The following SNX14 variants were observed in gnomAD, a reference collection of about 807,000 sequenced individuals.
SNX14 encodes the protein sorting nexin 14, also known as sorting nexin-14.
A neutral mutation model predicts 133.8 loss-of-function variants in SNX14; 93 were observed. The observed-to-expected ratio is 0.70, with a 90% CI of 0.59 to 0.83. The LOEUF is 0.83. SNX14 is among the 40% of genes least tolerant of loss of function. The probability of loss-of-function intolerance (pLI) is 0.00; values close to 1 mark genes in which losing one functional copy is unlikely to be tolerated. For synonymous variants in SNX14, 368 were observed against 365.6 expected (o/e 1.01, Z -0.07); for missense variants, 945 against 1,094.9 (o/e 0.86, Z 1.93).
At chr6:85,591,727 G>A (rs1201597764) in intron 1 of SNX14, among the ~76,000 whole-genome samples, 1 of 152,150 alleles carries the variant, frequency 6.6e-6, no homozygotes, top group East Asian at 1.9e-4. Context: ...TTAATCATAT[G>A]GGCTGCGTGC....
At chr6:85,545,065 G>C (rs1008118930) in intron 12 of SNX14, among the ~76,000 whole-genome samples, 3 of 152,168 alleles carry the variant, frequency 2.0e-5, no homozygotes, top group African/African-American at 7.2e-5. Flanking sequence ...AGGATGCTCT[G>C]AGGTACACTG....
chr6:85,512,579 G>C lies in SNX14; in HGVS notation c.2653+1221C>G, dbSNP rs544281759. On this transcript the variant is annotated intron_variant, in intron 26 of 28. Transcript: ENST00000314673. ...GGAGGTTGCAGTGAGCAGAGATCGT[G>C]TCATTTCACTCCAGCCTTGGTGACA... 8.9e-4 allele frequency among the ~76,000 whole-genome samples: 130 copies of C among 146,370 alleles called. 1 individual carries two copies. The highest frequency in any genetic ancestry group is 3.1e-3 in the African/African-American group (123 of 39,232).
intron 7 of SNX14, among the ~76,000 whole-genome samples, 195 bp downstream of exon 7, chr6:85,557,781 T>C (rs1790224746): frequency 1.3e-5 from 2 of 152,238 alleles, no homozygotes; most frequent in East Asian, 3.8e-4. Flanking sequence ...AAAGTTAACT[T>C]TTATTTTAAT....
chr6:85,532,302 A>C (rs1209017403), intron 18 of SNX14, among the ~76,000 whole-genome samples: 1 of 152,204 alleles, frequency 6.6e-6, no homozygotes, highest in Non-Finnish European at 1.5e-5. Context: ...ACTAAGACTG[A>C]ACAGCAACTC....
chr6:85,538,064 T>C (rs560957061), intron 16 of SNX14, among the ~76,000 whole-genome samples: 249 of 152,304 alleles, frequency 1.6e-3, no homozygotes, highest in African/African-American at 5.5e-3. Flanking sequence ...ATTACTCCTA[T>C]GAGAAAAATT....
At chr6:85,509,253 C>G (rs900847442) in intron 26 of SNX14, among the ~76,000 whole-genome samples, 4 of 152,188 alleles carry the variant, frequency 2.6e-5, no homozygotes, top group African/African-American at 9.7e-5. Flanking sequence ...ACTATATTCT[C>G]TGGCTCTCCA....
At chr6:85,587,953 G>A (rs536897378) in intron 1 of SNX14, among the ~76,000 whole-genome samples, 1 of 152,208 alleles carries the variant, frequency 6.6e-6, no homozygotes, top group East Asian at 1.9e-4. Context: ...AACTGCTTCA[G>A]CAGGGGAGGA....
intron 1 of SNX14, among the ~76,000 whole-genome samples, 178 bp downstream of exon 1, chr6:85,593,401 T>C (rs1186775352): frequency 6.6e-6 from 1 of 152,218 alleles, no homozygotes; most frequent in Non-Finnish European, 1.5e-5. Flanking sequence ...CCCACCGGCC[T>C]GTGCTTCCGG....
chr6:85,548,591 A>G (rs530944085), intron 8 of SNX14, among the ~76,000 whole-genome samples: 1 of 152,314 alleles, frequency 6.6e-6, no homozygotes, highest in African/African-American at 2.4e-5. Context: ...AAAGAGTTAG[A>G]GTTCTTACTT....
intron 26 of SNX14, chr6:85,508,313 G>T: frequency 3.0e-6 from 3 of 1,003,978 alleles, no homozygotes; most frequent in Non-Finnish European, 3.6e-6. Flanking sequence ...TCTGAGAAAT[G>T]CTGCAGTAAA....
rs529160299 is a variant in SNX14 at position 85,552,031 on chromosome 6, T to G, written c.635-2152A>C. On this transcript the variant is annotated intron_variant, in intron 7 of 28. Coordinates refer to ENST00000314673, the MANE Select transcript of SNX14 (RefSeq NM_153816.6). The stretch of plus-strand genomic sequence containing the variant: ...CAAATCATGGAGTCTGTGTTGGGAA[T>G]CTTTTTTTTTTTTTTTTTTTTTTGA... 6.8e-3 allele frequency among the ~76,000 whole-genome samples: 979 copies of G among 143,110 alleles called. 9 individuals are homozygous for G. Among genetic ancestry groups the G allele is most frequent in the Middle Eastern group, 0.014 (4 of 284 alleles). The allele number at this position is 143,110 out of a possible 152,430, so 93.9% of individuals were successfully genotyped here. A position where few individuals can be genotyped will look rare whatever the true frequency, so the allele number is the denominator to read the frequency against.
chr6:85,507,914 A>T, intron 27 of SNX14, 54 bp downstream of exon 27: 1 of 1,400,118 alleles, frequency 7.1e-7, no homozygotes, highest in Non-Finnish European at 1.0e-6. Flanking sequence ...ACACCTTACT[A>T]CGTCGTTCAC....
chr6:85,587,399 T>C (rs1161389106), intron 1 of SNX14, among the ~76,000 whole-genome samples: 3 of 152,120 alleles, frequency 2.0e-5, no homozygotes, highest in Non-Finnish European at 4.4e-5. Context: ...ACCATAGCTA[T>C]ACTGAAATAA....
intron 16 of SNX14, 184 bp from the exon 17 acceptor site, chr6:85,537,108 C>G (rs922983210): frequency 3.6e-5 from 17 of 474,674 alleles, no homozygotes; most frequent in Non-Finnish European, 3.2e-5. Flanking sequence ...TCAAAAATGA[C>G]ACAGTATTTA....
rs1261559518 is a variant in SNX14 at position 85,542,292 on chromosome 6, T to A, written c.1390-249A>T. ...AGTACTACAAAGCCACTCAGGCATA[T>A]GGCAAACCAGGCAGACCTATTTGGT... On this transcript the variant is annotated intron_variant, in intron 14 of 28. Transcript: ENST00000314673. Among the ~76,000 whole-genome samples the A allele has an allele frequency of 2.6e-5, 4 of 152,374 alleles. No homozygotes were observed. The East Asian group carries it at 7.7e-4, about 29-fold the overall frequency.
chr6:85,514,232 G>T lies in SNX14; in HGVS notation c.2395C>A (p.Arg799=), dbSNP rs556044910. 1.9e-6 allele frequency: 3 copies of T among 1,608,606 alleles called. No individual in the cohort carries two copies. Among genetic ancestry groups the T allele is most frequent in the Non-Finnish European group, 2.5e-6 (3 of 1,178,440 alleles). The change falls in exon 25 of 29, where the codon CGG becomes AGG. Residue 799 remains arginine (R), a splice_region_variant and synonymous_variant. Coordinates refer to ENST00000314673, the MANE Select transcript of SNX14 (RefSeq NM_153816.6). ...CAGTCAGGAACCTGGAAAACTACCC[G>T]TCCTGAGAAAGGATCAAATGGGATA... ...GVYDYLMYVG[R]VVFQVPDWLH...
At chr6:85,592,739 C>T (rs1335825961) in intron 1 of SNX14, among the ~76,000 whole-genome samples, 1 of 151,670 alleles carries the variant, frequency 6.6e-6, no homozygotes, top group Non-Finnish European at 1.5e-5. Context: ...CCTGTAATCC[C>T]AGCACTTCGG....
intron 1 of SNX14, among the ~76,000 whole-genome samples, chr6:85,591,711 CA>C (rs1359998945): frequency 6.6e-6 from 1 of 152,096 alleles, no homozygotes; most frequent in Non-Finnish European, 1.5e-5. Context: ...AATCCATGGA[CA>C]AAAGTTAATC....
chr6:85,557,097 G>C (rs1790040560), intron 7 of SNX14, among the ~76,000 whole-genome samples: 1 of 152,172 alleles, frequency 6.6e-6, no homozygotes, highest in South Asian at 2.1e-4. Context: ...TCTACAAGGG[G>C]AATACAATAA....
Sources: gnomAD v4.1 joint callset for allele counts (sites outside exome capture counted in the v4.1 genomes callset) on GRCh38, gnomAD v4.1.1 for gene constraint, MANE v1.5 for transcripts, NCBI Gene and HGNC (gene_info 2026-07-23, HGNC 2026-07-21) for gene names.